The following MSANTD3 variants were observed in gnomAD, a reference collection of about 807,000 sequenced individuals.
The protein encoded by MSANTD3 is myb/SANT-like DNA-binding domain-containing protein 3.
In MSANTD3, 11 loss-of-function variants were observed where a neutral mutation model predicts 27.7. That is an observed-to-expected ratio of 0.40 (90% CI 0.25 to 0.66). The LOEUF is 0.66. MSANTD3 is among the 30% of genes least tolerant of loss of function. MSANTD3 has a pLI of 0.41. For missense variants in MSANTD3, 250 were observed against 336.5 expected, an observed-to-expected ratio of 0.74 and a Z score of 2.01; for synonymous variants, 131 against 127.2, an observed-to-expected ratio of 1.03 and a Z score of -0.20.
In MSANTD3 at chr9:100,451,267, T is replaced by A. The variant is rs1836881992; in HGVS notation, c.*301T>A. On this transcript the variant is annotated 3_prime_UTR_variant, in exon 3 of 3. Coordinates refer to ENST00000395067, the MANE Select transcript of MSANTD3 (RefSeq NM_080655.3). ...GTGTTGTTGTTGTTGTTTTTTTTTT[T>A]AATCAAATGCAAGTGTGACTATAAA... 2 of 266,392 alleles carry A rather than the reference T, an allele frequency of 7.5e-6. No individual in the cohort carries two copies. The highest frequency in any genetic ancestry group is 4.8e-5 in the Admixed American group (1 of 20,712). 16.5% of individuals were successfully genotyped at this position (266,392 alleles called of 1,614,324 possible). A position where few individuals can be genotyped will look rare whatever the true frequency, so the allele number is the denominator to read the frequency against.
At chr9:100,446,668 A>G (rs866401316) in intron 2 of MSANTD3, among the ~76,000 whole-genome samples, 35 of 152,182 alleles carry the variant, frequency 2.3e-4, no homozygotes, top group Middle Eastern at 3.4e-3. Context: ...CTTTACTAAA[A>G]CTACAAAAAT....
rs564109508 is a variant in MSANTD3 at position 100,450,249 on chromosome 9, A to C, written c.419-308A>C. ...CAGAGTTGGGCATATTTCAGTTTAG[A>C]ATATCAACATAAAAAGGTCTCTGAT... is the stretch of plus-strand genomic sequence containing the variant. On this transcript the variant is annotated intron_variant, in intron 2 of 2. Transcript: ENST00000395067. 5.3e-5 allele frequency among the ~76,000 whole-genome samples: 8 copies of C among 152,322 alleles called. No individual in the cohort carries two copies. In the East Asian group the frequency reaches 1.5e-3, roughly 29 times the overall value.
intron 2 of MSANTD3, chr9:100,448,878 T>G: frequency 1.0e-6 from 1 of 985,164 alleles, no homozygotes; most frequent in Non-Finnish European, 1.2e-6. Context: ...AAGTAAGATT[T>G]TTACCTTTTC....
chr9:100,433,104 G>A (rs1169139263), intron 1 of MSANTD3, among the ~76,000 whole-genome samples: 1 of 152,158 alleles, frequency 6.6e-6, no homozygotes, highest in Non-Finnish European at 1.5e-5. Flanking sequence ...CATCTTGATG[G>A]TGAGGGGGTT....
chr9:100,440,239 G>A (rs1836577004), intron 1 of MSANTD3, among the ~76,000 whole-genome samples: 1 of 152,158 alleles, frequency 6.6e-6, no homozygotes, highest in Admixed American at 6.5e-5. Context: ...AAGGCAAGAG[G>A]CCGAGAAACA....
At chr9:100,435,975 G>A (rs994001367) in intron 1 of MSANTD3, among the ~76,000 whole-genome samples, 7 of 152,168 alleles carry the variant, frequency 4.6e-5, no homozygotes, top group Admixed American at 4.6e-4. Context: ...TTTAGTCAAT[G>A]TTAGTGTTTT....
intron 2 of MSANTD3, chr9:100,448,317 C>T (rs1564252279): frequency 1.0e-6 from 1 of 984,014 alleles, no homozygotes; most frequent in Non-Finnish European, 1.2e-6. Context: ...GGAATGAAAT[C>T]AAAGAGAAAA....
intron 2 of MSANTD3, among the ~76,000 whole-genome samples, chr9:100,449,414 C>A (rs557360174): frequency 3.7e-4 from 56 of 152,186 alleles, no homozygotes; most frequent in Non-Finnish European, 7.1e-4. Flanking sequence ...GGTGCCAAAA[C>A]AATACTAGTG....
At chr9:100,436,444 C>T (rs762879661) in intron 1 of MSANTD3, among the ~76,000 whole-genome samples, 15 of 152,182 alleles carry the variant, frequency 9.9e-5, no homozygotes, top group Non-Finnish European at 1.6e-4. Context: ...CACTGGGCTG[C>T]TTGTTGCCCT....
intron 1 of MSANTD3, among the ~76,000 whole-genome samples, chr9:100,433,644 T>G (rs10989092): frequency 0.22 from 32,854 of 152,116 alleles, 3,693 homozygotes; most frequent in South Asian, 0.33. Flanking sequence ...CAAAGTTCTG[T>G]GATTACAGAT....
chr9:100,449,202 T>G, intron 2 of MSANTD3: 1 of 985,422 alleles, frequency 1.0e-6, no homozygotes, highest in Non-Finnish European at 1.2e-6. Flanking sequence ...GTTTCCTTAT[T>G]GCAACTCCCT....
intron 1 of MSANTD3, among the ~76,000 whole-genome samples, chr9:100,434,230 G>A (rs1002248377): frequency 5.3e-5 from 8 of 152,132 alleles, no homozygotes; most frequent in African/African-American, 1.7e-4. Context: ...TTCTTCCTTT[G>A]AAACAGTCTT....
intron 1 of MSANTD3, among the ~76,000 whole-genome samples, chr9:100,440,330 T>C (rs964820578): frequency 6.6e-6 from 1 of 152,344 alleles, no homozygotes; most frequent in East Asian, 1.9e-4. Flanking sequence ...TTTGTGATCT[T>C]GTGCAATCCA....
chr9:100,438,078 C>T (rs1836517933), intron 1 of MSANTD3, among the ~76,000 whole-genome samples: 1 of 152,300 alleles, frequency 6.6e-6, no homozygotes, highest in East Asian at 1.9e-4. Context: ...GTACTGCACA[C>T]ATCTTGAGGA....
intron 1 of MSANTD3, among the ~76,000 whole-genome samples, chr9:100,435,727 C>T (rs1405398200): frequency 2.6e-5 from 4 of 152,140 alleles, no homozygotes; most frequent in Non-Finnish European, 4.4e-5. Context: ...TAGCAGGGCA[C>T]GCCAGCTTCC....
intron 1 of MSANTD3, among the ~76,000 whole-genome samples, chr9:100,437,876 G>A (rs984366201): frequency 2.6e-5 from 4 of 152,106 alleles, no homozygotes; most frequent in Admixed American, 6.6e-5. Flanking sequence ...GGCTATTTTT[G>A]GGAGGGTTAA....
At chr9:100,433,713 A>G (rs1836418839) in intron 1 of MSANTD3, among the ~76,000 whole-genome samples, 1 of 152,036 alleles carries the variant, frequency 6.6e-6, no homozygotes. Flanking sequence ...TATTTTTGAG[A>G]TGTTGAGTCA....
At chr9:100,436,944 A>G (rs981362481) in intron 1 of MSANTD3, among the ~76,000 whole-genome samples, 1 of 152,176 alleles carries the variant, frequency 6.6e-6, no homozygotes, top group African/African-American at 2.4e-5. Flanking sequence ...AGCTGGGATT[A>G]CAGGCACCTG....
intron 2 of MSANTD3, among the ~76,000 whole-genome samples, chr9:100,447,134 T>A (rs767915792): frequency 3.3e-5 from 5 of 152,166 alleles, no homozygotes; most frequent in Non-Finnish European, 5.9e-5. Flanking sequence ...GATTGAGTTG[T>A]TTTCTCCTTC....
Sources: allele counts gnomAD v4.1 joint callset (sites outside exome capture counted in the v4.1 genomes callset), GRCh38; gene constraint gnomAD v4.1.1; transcripts MANE v1.5; gene names NCBI Gene and HGNC (gene_info 2026-07-23, HGNC 2026-07-21).